KIRREL3: variants seen among roughly 807,000 people sequenced by gnomAD.
KIRREL3 encodes the protein kin of IRRE-like protein 3.
A neutral mutation model predicts 89.7 loss-of-function variants in KIRREL3; 36 were observed. That is an observed-to-expected ratio of 0.40 (90% confidence interval 0.31 to 0.53). The LOEUF is 0.53. KIRREL3 is among the 20% of genes least tolerant of loss of function. KIRREL3 has a pLI of 0.49. For synonymous variants in KIRREL3, 445 were observed against 441.4 expected (o/e 1.01, Z -0.10); for missense variants, 864 against 1,056.6 (o/e 0.82, Z 2.53).
intron 8 of KIRREL3, among the ~76,000 whole-genome samples, chr11:126,448,439 T>C (rs941626779): frequency 6.6e-6 from 1 of 152,146 alleles, no homozygotes; most frequent in African/African-American, 2.4e-5. Context: ...CAGACCTCCA[T>C]CTCCTCATTC....
intron 7 of KIRREL3, among the ~76,000 whole-genome samples, chr11:126,450,913 G>C (rs1320567754): frequency 6.6e-6 from 1 of 151,438 alleles, no homozygotes; most frequent in Non-Finnish European, 1.5e-5. Context: ...GTGCGTGTGT[G>C]TCCACGTGCA....
chr11:126,821,330 T>TATAC, intron 1 of KIRREL3, among the ~76,000 whole-genome samples: 1 of 15,096 alleles, frequency 6.6e-5, no homozygotes, highest in East Asian at 0.17. Context: ...ATAAACACAG[T>TATAC]ATATATATAT....
At position 126,428,835 on chromosome 11, in the gene KIRREL3, T is replaced by C. The variant is rs1211559823; in HGVS notation, c.1806+344A>G. The stretch of plus-strand genomic sequence containing the variant: ...CTAATTTTTGTATTTTTAGTAGAGA[T>C]GTAGTTTCACCATGTTGGCCAGGCT... On this transcript the variant is annotated intron_variant, in intron 15 of 16. Coordinates refer to ENST00000525144, the MANE Select transcript of KIRREL3 (RefSeq NM_032531.4). This position sits in a 1 kb window ranked among gnomAD's most constrained non-coding sequence, Gnocchi z 6.4. Among the ~76,000 whole-genome samples the C allele has an allele frequency of 1.3e-5, 2 of 152,036 alleles. No individual in the cohort carries two copies. The highest frequency in any genetic ancestry group is 3.9e-4 in the East Asian group (2 of 5,156).
chr11:126,884,682 C>T (rs1249208715), intron 1 of KIRREL3, among the ~76,000 whole-genome samples: 2 of 151,808 alleles, frequency 1.3e-5, no homozygotes, highest in African/African-American at 2.4e-5. Context: ...ACTAATTAAT[C>T]GATTCATCAA....
At chr11:126,873,211 T>C (rs1402590764) in intron 1 of KIRREL3, among the ~76,000 whole-genome samples, 4 of 152,180 alleles carry the variant, frequency 2.6e-5, no homozygotes, top group African/African-American at 9.7e-5. Flanking sequence ...TACCTGCAGG[T>C]ATAATAGCTT....
chr11:126,468,553 T>TGA (rs1956795525), intron 5 of KIRREL3, among the ~76,000 whole-genome samples: 1 of 152,222 alleles, frequency 6.6e-6, no homozygotes, highest in African/African-American at 2.4e-5. Flanking sequence ...CCTCCAGGGC[T>TGA]GAGGCTCATC....
chr11:126,470,763 G>A (rs1414870902), intron 5 of KIRREL3, among the ~76,000 whole-genome samples: 2 of 152,182 alleles, frequency 1.3e-5, no homozygotes, highest in African/African-American at 4.8e-5. Context: ...ATGGGCAAGG[G>A]CAGAGGCCAG....
intron 1 of KIRREL3, among the ~76,000 whole-genome samples, chr11:126,751,109 T>G (rs1949320514): frequency 6.6e-6 from 1 of 152,218 alleles, no homozygotes; most frequent in Non-Finnish European, 1.5e-5. Flanking sequence ...TTGATGAAAC[T>G]TCATGTCAAC....
intron 1 of KIRREL3, among the ~76,000 whole-genome samples, chr11:126,637,248 G>A (rs1380101528): frequency 6.6e-6 from 1 of 152,214 alleles, no homozygotes; most frequent in Non-Finnish European, 1.5e-5. Flanking sequence ...CATATGGGCT[G>A]ATTTCAGAGT....
chr11:126,447,683 G>A (rs901621319), intron 8 of KIRREL3, among the ~76,000 whole-genome samples: 9 of 152,180 alleles, frequency 5.9e-5, no homozygotes, highest in African/African-American at 1.9e-4. Flanking sequence ...GGGCCGTGTG[G>A]GGATTCCAGG....
At chr11:126,809,019 A>T (rs1461352769) in intron 1 of KIRREL3, among the ~76,000 whole-genome samples, 2 of 152,196 alleles carry the variant, frequency 1.3e-5, no homozygotes, top group South Asian at 2.1e-4. Context: ...TGCCTTAGGA[A>T]AAAAAACAGG....
In KIRREL3 at chr11:126,652,030, C is replaced by A. The variant is rs1245930205; in HGVS notation, c.56-89118G>T. Among the ~76,000 whole-genome samples the A allele has an allele frequency of 2.0e-5, 3 of 152,168 alleles. No homozygotes were observed. Among genetic ancestry groups the A allele is most frequent in the Non-Finnish European group, 4.4e-5 (3 of 68,026 alleles). On this transcript the variant is annotated intron_variant, in intron 1 of 16. Coordinates refer to ENST00000525144, the MANE Select transcript of KIRREL3 (RefSeq NM_032531.4). This position sits in a 1 kb window ranked among gnomAD's most constrained non-coding sequence, Gnocchi z 4.9. ...AATGAGGCAAAAAGCGGAGTTCATC[C>A]TTGTGCTAACCAAAGAAAAGATGAA...
At position 126,990,612 on chromosome 11, in the gene KIRREL3, C is replaced by T. The variant is rs1049773700; in HGVS notation, c.55+9843G>A. 6.6e-6 allele frequency among the ~76,000 whole-genome samples: 1 copy of T among 152,206 alleles called. No homozygotes were observed. Among genetic ancestry groups the T allele is most frequent in the South Asian group, 2.1e-4 (1 of 4,828 alleles). On this transcript the variant is annotated intron_variant, in intron 1 of 16. Coordinates refer to ENST00000525144, the MANE Select transcript of KIRREL3 (RefSeq NM_032531.4). The surrounding 1 kb of genome is among the most constrained non-coding windows in gnomAD (Gnocchi z 6.3). ...CCTGGCGTCAGGGCCCAAAATAGTG[C>T]CCCAGCTCTTGGTGCGGCTTCAGAA...
chr11:126,540,999 G>A (rs12278924), intron 2 of KIRREL3, among the ~76,000 whole-genome samples: 8,165 of 152,234 alleles, frequency 0.054, 639 homozygotes, highest in African/African-American at 0.18. Context: ...TAAGGGGCAG[G>A]GATGGAACTA....
chr11:126,466,956 C>T (rs902881903), intron 5 of KIRREL3, among the ~76,000 whole-genome samples: 5 of 152,358 alleles, frequency 3.3e-5, no homozygotes, highest in South Asian at 2.1e-4. Context: ...TGCCAGCCCC[C>T]GGCTCGCCCA....
rs1956888661 is a variant in KIRREL3, at chr11:126,471,408, A to T, written c.591+1901T>A. 6.6e-6 allele frequency among the ~76,000 whole-genome samples: 1 copy of T among 151,826 alleles called. No individual in the cohort carries two copies. The highest frequency in any genetic ancestry group is 1.5e-5 in the Non-Finnish European group (1 of 67,960). The stretch of plus-strand genomic sequence containing the variant: ...TAAATAAATAAAATAAATAAAAAAT[A>T]AAAAAAGAAAGAAAAAAAGAAAAGA... On this transcript the variant is annotated intron_variant, in intron 5 of 16. Coordinates refer to ENST00000525144, the MANE Select transcript of KIRREL3 (RefSeq NM_032531.4). This position sits in a 1 kb window ranked among gnomAD's most constrained non-coding sequence, Gnocchi z 5.4.
intron 1 of KIRREL3, among the ~76,000 whole-genome samples, chr11:126,781,642 C>G (rs1052421638): frequency 6.6e-6 from 1 of 152,190 alleles, no homozygotes; most frequent in Non-Finnish European, 1.5e-5. Flanking sequence ...CATTTATTCT[C>G]TTACAGCAGC....
At position 126,709,699 on chromosome 11, in the gene KIRREL3, C is replaced by T. The variant is rs1466365300; in HGVS notation, c.56-146787G>A. ...AGACATCTATAAGCCAAGGGGAGGC[C>T]TCGGGAGAAACCAACCCTGTAGACA... On this transcript the variant is annotated intron_variant, in intron 1 of 16. Coordinates refer to ENST00000525144, the MANE Select transcript of KIRREL3 (RefSeq NM_032531.4). The surrounding 1 kb of genome is among the most constrained non-coding windows in gnomAD (Gnocchi z 4.0). Among the ~76,000 whole-genome samples the T allele has an allele frequency of 2.0e-5, 3 of 152,110 alleles. No individual in the cohort carries two copies. The highest frequency in any genetic ancestry group is 2.9e-5 in the Non-Finnish European group (2 of 68,016).
intron 1 of KIRREL3, among the ~76,000 whole-genome samples, chr11:126,929,741 T>A (rs1335561665): frequency 1.3e-5 from 2 of 152,192 alleles, no homozygotes; most frequent in African/African-American, 4.8e-5. Flanking sequence ...TCCTGGAGAA[T>A]CTATTCATGG....
Sources: allele counts gnomAD v4.1 joint callset (sites outside exome capture counted in the v4.1 genomes callset), GRCh38; gene constraint gnomAD v4.1.1; non-coding constraint Gnocchi (gnomAD v3.1); transcripts MANE v1.5; gene names NCBI Gene and HGNC (gene_info 2026-07-23, HGNC 2026-07-21).